The following SMYD5 variants were observed in gnomAD, a reference collection of about 807,000 sequenced individuals.
SMYD5 encodes the protein SMYD family member 5, also known as protein-lysine N-trimethyltransferase SMYD5.
Under a neutral mutation model 57.4 loss-of-function variants are expected in SMYD5, and 35 were observed. The ratio of observed to expected loss-of-function variants is 0.61; its 90% CI spans 0.47 to 0.81. The LOEUF is 0.81. Among genes scored for constraint, SMYD5 ranks in the 30% least tolerant of loss-of-function variants. The pLI is 0.00. For missense variants in SMYD5, 471 were observed against 527.9 expected, an observed-to-expected ratio of 0.89 and a Z score of 1.06; for synonymous variants, 198 against 189.7, an observed-to-expected ratio of 1.04 and a Z score of -0.36.
At chr2:73,220,875 A>T (rs1686378788) in intron 4 of SMYD5, 93 bp downstream of exon 4, 1 of 1,438,516 alleles carries the variant, frequency 7.0e-7, no homozygotes, top group Non-Finnish European at 9.5e-7. Context: ...TTAAGTTCCA[A>T]TTCCCCGGAT....
chr2:73,220,209 T>C lies in SMYD5; in HGVS notation c.345+19T>C, dbSNP rs1283794511. On this transcript the variant is annotated intron_variant, in intron 3 of 12. Transcript: ENST00000389501. The stretch of plus-strand genomic sequence containing the variant: ...TTGCCAAGTGAGTATTCTTGGGGAG[T>C]GTACCTGGAAGGGGGTGGGTGAGGG... 2 of 1,611,920 alleles carry C rather than the reference T, an allele frequency of 1.2e-6. No individual in the cohort carries two copies. The highest frequency in any genetic ancestry group is 1.7e-6 in the Non-Finnish European group (2 of 1,178,460).
In SMYD5 at chr2:73,214,357, G is replaced by A. The variant is rs762105046; in HGVS notation, c.91G>A (p.Ala31Thr). 127 of 1,613,416 alleles carry A rather than the reference G, an allele frequency of 7.9e-5. 1 individual carries two copies. In the South Asian group the frequency reaches 1.2e-3, roughly 16 times the overall value. ...VSVEVRFVSS[A>T]KGKGLFATQL... ...CGTGGAAGTCCGTTTCGTGAGCAGCGCCAAGGTGAGGTCGGGGCGGGTCCT... is the reference window on the plus strand; with the variant it reads ...CGTGGAAGTCCGTTTCGTGAGCAGCACCAAGGTGAGGTCGGGGCGGGTCCT... Residue 31 changes from alanine to threonine, a missense_variant, in exon 1 of 13, where the codon GCC (alanine) becomes ACC (threonine). Ala to Thr is a moderately conservative substitution (Grantham distance 58). Transcript: ENST00000389501.
chr2:73,223,410 G>T lies in SMYD5; in HGVS notation c.777-16G>T. The T allele has an allele frequency of 6.3e-7, 1 of 1,586,646 alleles. No individual in the cohort carries two copies. Among genetic ancestry groups the T allele is most frequent in the Non-Finnish European group, 8.7e-7 (1 of 1,155,048 alleles). On this transcript the variant is annotated splice_polypyrimidine_tract_variant and intron_variant, in intron 8 of 12. Transcript: ENST00000389501. The stretch of plus-strand genomic sequence containing the variant: ...GCTTCTGCCTCCCCAACCATGGGCT[G>T]CCTGGGACCCCCCAGCTCCCTAAGC...
At chr2:73,215,432 A>G (rs1317644576) in intron 1 of SMYD5, among the ~76,000 whole-genome samples, 3 of 151,938 alleles carry the variant, frequency 2.0e-5, no homozygotes, top group African/African-American at 7.3e-5. Flanking sequence ...TTCCAGCTCA[A>G]CCTTCCGTGC....
In SMYD5 at chr2:73,214,293, CT is replaced by C; in HGVS notation, c.28del (p.Ser10ProfsTer19). 1 of 1,613,930 alleles carries C rather than the reference CT, an allele frequency of 6.2e-7. No homozygotes were observed. Among genetic ancestry groups the C allele is most frequent in the Non-Finnish European group, 8.5e-7 (1 of 1,179,922 alleles). On this transcript the variant is annotated frameshift_variant, in exon 1 of 13. Transcript: ENST00000389501. LOFTEE classifies it high-confidence loss of function. The stretch of plus-strand genomic sequence containing the variant: ...TGGCGGCCTCCATGTGCGACGTGTT[CT>C]CCTTCTGCGTGGGCGTGGCGGGCCG... MAASMCDVF[S>X]FCVGVAGRAR...
At chr2:73,223,167 C>A in intron 8 of SMYD5, 61 bp downstream of exon 8, 1 of 1,402,726 alleles carries the variant, frequency 7.1e-7, no homozygotes, top group Non-Finnish European at 1.0e-6. Flanking sequence ...GGAAGGTAGC[C>A]ACAGTTCCTT....
At chr2:73,215,637 T>G (rs1334525286) in intron 1 of SMYD5, among the ~76,000 whole-genome samples, 1 of 152,198 alleles carries the variant, frequency 6.6e-6, no homozygotes, top group Non-Finnish European at 1.5e-5. Context: ...TTTTCTTCAT[T>G]AGCCCCCAGT....
chr2:73,221,015 T>C (rs779104791), intron 4 of SMYD5, 150 bp from the exon 5 acceptor site: 2 of 811,854 alleles, frequency 2.5e-6, no homozygotes, highest in Admixed American at 2.3e-5. Context: ...CCAATAGGGA[T>C]GCAAAGTCTT....
chr2:73,225,804 A>AT lies in SMYD5; in HGVS notation c.1116dup (p.Leu373SerfsTer14). The AT allele has an allele frequency of 6.2e-7, 1 of 1,614,102 alleles. No individual in the cohort carries two copies. Among genetic ancestry groups the AT allele is most frequent in the Non-Finnish European group, 8.5e-7 (1 of 1,179,986 alleles). On this transcript the variant is annotated frameshift_variant, in exon 13 of 13. Transcript: ENST00000389501. LOFTEE classifies it high-confidence loss of function. ...ATCCCCCACCGCTGCAGGGAGAACT[A>AT]TCTATTTGTCTGTTCCTGTCCCAAA...
chr2:73,225,669 G>C lies in SMYD5; in HGVS notation c.1074G>C (p.Glu358Asp). 1 of 1,614,198 alleles carries C rather than the reference G, an allele frequency of 6.2e-7. No individual in the cohort carries two copies. The highest frequency in any genetic ancestry group is 1.6e-4 in the Middle Eastern group (1 of 6,062). Residue 358 changes from glutamate (E) to aspartate (D), a missense_variant, in exon 12 of 13, where the codon GAG (glutamate) becomes GAC (aspartate). Coordinates refer to ENST00000389501, the MANE Select transcript of SMYD5 (RefSeq NM_006062.3). The part of the protein sequence containing the change: ...CISYLDCCQR[E>D]RSRHSRHKIL... ...GCTACTTGGACTGCTGTCAGCGGGA[G>C]CGCAGCCGCCACAGCCGCCACAAGA...
At chr2:73,214,498 G>C (rs1686254794) in intron 1 of SMYD5, 136 bp downstream of exon 1, 5 of 1,494,538 alleles carry the variant, frequency 3.3e-6, no homozygotes, top group Admixed American at 2.4e-5. Context: ...TCGCGGCCCG[G>C]GGGCTCCCAG....
intron 1 of SMYD5, chr2:73,214,616 C>T (rs1686257855): frequency 6.6e-7 from 1 of 1,513,684 alleles, no homozygotes; most frequent in Non-Finnish European, 8.9e-7. Context: ...GCGGGAGGCC[C>T]TTCTGTGGCT....
chr2:73,217,126 A>T (rs532131325), intron 1 of SMYD5, among the ~76,000 whole-genome samples: 2 of 151,878 alleles, frequency 1.3e-5, no homozygotes, highest in African/African-American at 4.8e-5. Flanking sequence ...TAATTTTTGT[A>T]TTTTTAGTAG....
chr2:73,222,854 T>A, intron 7 of SMYD5, 37 bp downstream of exon 7: 1 of 1,595,576 alleles, frequency 6.3e-7, no homozygotes, highest in South Asian at 1.1e-5. Context: ...GGCCTCCTTG[T>A]TACTCCAGCT....
chr2:73,221,245 C>T lies in SMYD5; in HGVS notation c.537+11C>T. On this transcript the variant is annotated intron_variant, in intron 5 of 12. Transcript: ENST00000389501. ...GCCACAGTGAAGCAGGTGAGCCCAC[C>T]CAACCCTCTCGGGGAAGCTGACTTT... The T allele has an allele frequency of 6.2e-7, 1 of 1,612,128 alleles. No individual in the cohort carries two copies.
At chr2:73,214,731 C>G (rs891231020) in intron 1 of SMYD5, 62 of 1,337,908 alleles carry the variant, frequency 4.6e-5, no homozygotes, top group Non-Finnish European at 6.0e-5. Context: ...TCCTCACGAA[C>G]TTCATGTGTG....
rs760113548 is a variant in SMYD5 at position 73,223,019 on chromosome 2, CT to C, written c.706-11del. On this transcript the variant is annotated splice_polypyrimidine_tract_variant and intron_variant, in intron 7 of 12. Transcript: ENST00000389501. ...CAGTGGCTGTAATGAGCACTCATCTCTTTTTTCCCCCCACAGTGGTTCACTC... is the reference window on the plus strand; with the variant it reads ...CAGTGGCTGTAATGAGCACTCATCTCTTTTTCCCCCCACAGTGGTTCACTC... 49 of 1,611,344 alleles carry C rather than the reference CT, an allele frequency of 3.0e-5. No homozygotes were observed. The highest frequency in any genetic ancestry group is 3.4e-5 in the Non-Finnish European group (40 of 1,177,540).
intron 6 of SMYD5, 49 bp downstream of exon 6, chr2:73,221,979 G>A: frequency 8.5e-7 from 1 of 1,181,288 alleles, no homozygotes; most frequent in South Asian, 1.2e-5. Context: ...AATATCCTAG[G>A]ATGTCTCTGG....
Position 73,218,933 on chromosome 2 carries a change from G to A in SMYD5, c.169G>A (p.Ala57Thr). ...TIFVERPLVA[A>T]QFLWNALYRY... is the part of the protein sequence containing the mutation. ...CTTCGTAGAACGGCCCCTGGTGGCT[G>A]CACAGTTTCTCTGGAATGCACTTTA... Residue 57 changes from alanine to threonine, a missense_variant, in exon 2 of 13, where the codon GCA (alanine) becomes ACA (threonine). Ala to Thr is a moderately conservative substitution (Grantham distance 58). Transcript: ENST00000389501. 1.2e-6 allele frequency: 2 copies of A among 1,614,086 alleles called. No homozygotes were observed. Among genetic ancestry groups the A allele is most frequent in the Non-Finnish European group, 1.7e-6 (2 of 1,179,894 alleles).
Sources: allele counts gnomAD v4.1 joint callset (sites outside exome capture counted in the v4.1 genomes callset), GRCh38; gene constraint gnomAD v4.1.1; transcripts MANE v1.5; gene names NCBI Gene and HGNC (gene_info 2026-07-23, HGNC 2026-07-21).